The following NCAM1 variants were observed in gnomAD, a reference collection of about 807,000 sequenced individuals.
NCAM1 encodes the protein antigen recognized by monoclonal antibody 5.1H11.
Under a neutral mutation model 109.8 loss-of-function variants are expected in NCAM1, and 14 were observed. That is an observed-to-expected ratio of 0.13 (90% CI 0.08 to 0.20). The LOEUF (loss-of-function observed/expected upper bound fraction) is 0.20, where lower values mean the gene tolerates loss of function less well. Ranked by LOEUF, NCAM1 falls within the 10% of genes least tolerant of loss-of-function variation. The pLI, the probability that NCAM1 is intolerant of heterozygous loss-of-function variation, is 1.00. For synonymous variants in NCAM1, 418 were observed against 442.9 expected (o/e 0.94, Z 0.70); for missense variants, 774 against 1,109.9 (o/e 0.70, Z 4.30).
intron 1 of NCAM1, among the ~76,000 whole-genome samples, chr11:113,094,873 G>A (rs1358125436): frequency 2.6e-5 from 4 of 152,266 alleles, no homozygotes; most frequent in African/African-American, 4.8e-5. Flanking sequence ...GAAAAATGTC[G>A]AAAGGAAAAT....
At chr11:113,071,929 G>A (rs1938286053) in intron 1 of NCAM1, among the ~76,000 whole-genome samples, 2 of 152,140 alleles carry the variant, frequency 1.3e-5, no homozygotes, top group South Asian at 4.1e-4. Flanking sequence ...TGGACGATTT[G>A]AGGTCAGGAG....
chr11:113,182,846 A>G lies in NCAM1; in HGVS notation c.53-19533A>G, dbSNP rs186649438. Among the ~76,000 whole-genome samples the G allele has an allele frequency of 2.1e-3, 316 of 152,324 alleles. 2 individuals carry two copies. The highest frequency in any genetic ancestry group is 7.2e-3 in the African/African-American group (301 of 41,566). ...TACAGCGGCAGCCCTCGCTTTGCCCAGGTGGCTTGGGACCTCTGATGTGCT... is the reference window on the plus strand; with the variant it reads ...TACAGCGGCAGCCCTCGCTTTGCCCGGGTGGCTTGGGACCTCTGATGTGCT... On this transcript the variant is annotated intron_variant, in intron 1 of 19. Transcript: ENST00000316851.
At chr11:113,069,311 G>A (rs1555084812) in intron 1 of NCAM1, among the ~76,000 whole-genome samples, 2 of 152,176 alleles carry the variant, frequency 1.3e-5, no homozygotes, top group Non-Finnish European at 2.9e-5. Flanking sequence ...CTTTCAAGTG[G>A]TCTGGTATAA....
At chr11:113,104,829 C>G (rs1478352832) in intron 1 of NCAM1, among the ~76,000 whole-genome samples, 1 of 152,242 alleles carries the variant, frequency 6.6e-6, no homozygotes, top group South Asian at 2.1e-4. Context: ...TCAGATACTT[C>G]GAAAATGCCT....
At chr11:112,983,399 T>A (rs1951206723) in intron 1 of NCAM1, among the ~76,000 whole-genome samples, 1 of 146,026 alleles carries the variant, frequency 6.8e-6, no homozygotes, top group South Asian at 2.2e-4. Context: ...TGAGAAATCA[T>A]GAAAATGAAC....
chr11:113,138,291 A>G (rs1245153166), intron 1 of NCAM1, among the ~76,000 whole-genome samples: 1 of 152,172 alleles, frequency 6.6e-6, no homozygotes, highest in South Asian at 2.1e-4. Flanking sequence ...AGCAGGTGGG[A>G]AGTTGAATTT....
At chr11:113,135,124 G>A (rs1188029618) in intron 1 of NCAM1, among the ~76,000 whole-genome samples, 1 of 152,170 alleles carries the variant, frequency 6.6e-6, no homozygotes, top group Non-Finnish European at 1.5e-5. Context: ...TGGGAGCTAA[G>A]GAGGTGAGTG....
At chr11:113,002,829 T>G (rs1317499182) in intron 1 of NCAM1, among the ~76,000 whole-genome samples, 7 of 152,240 alleles carry the variant, frequency 4.6e-5, no homozygotes, top group African/African-American at 1.7e-4. Flanking sequence ...TCTTAAAAGT[T>G]TATGCAAATT....
In NCAM1 at chr11:113,235,136, G is replaced by A. The variant is rs374753347; in HGVS notation, c.1797G>A (p.Ala599=). Residue 599 remains alanine, a synonymous_variant, in exon 14 of 20, where the codon GCG becomes GCA. Transcript: ENST00000316851. ...LNGKGLGEIS[A]ASEFKTQPVQ... ...GCAAAGGGCTGGGTGAGATCAGCGC[G>A]GCCTCCGAGTTCAAGACGCAGCCAG... is the stretch of plus-strand genomic sequence containing the variant. 2.1e-5 allele frequency: 34 copies of A among 1,613,348 alleles called. No homozygotes were observed. The East Asian group carries it at 2.7e-4, about 13-fold the overall frequency.
intron 1 of NCAM1, among the ~76,000 whole-genome samples, chr11:113,201,347 G>C (rs1555111766): frequency 6.6e-6 from 1 of 152,156 alleles, no homozygotes; most frequent in African/African-American, 2.4e-5. Context: ...TGGAAGGAAG[G>C]GCTCACTGAA....
chr11:113,024,144 G>A (rs1565389083), intron 1 of NCAM1, among the ~76,000 whole-genome samples: 1 of 152,194 alleles, frequency 6.6e-6, no homozygotes, highest in East Asian at 1.9e-4. Context: ...CATTGCTTGT[G>A]CCTCAGAGAA....
rs782485722 is a variant in NCAM1, at chr11:113,204,492, G to A, written c.334G>A (p.Val112Met). The A allele has an allele frequency of 5.0e-6, 8 of 1,613,818 alleles. No homozygotes were observed. In the African/African-American group the frequency reaches 5.3e-5, roughly 11 times the overall value. The change falls in exon 3 of 20, where the codon GTG becomes ATG. Residue 112 changes from valine to methionine, a missense_variant. Physicochemically the swap from Val to Met is conservative, Grantham distance 21. Coordinates refer to ENST00000316851, the MANE Select transcript of NCAM1 (RefSeq NM_181351.5). ...DGSESEATVN[V>M]KIFQKLMFKN... ...CAGTGAGTCAGAGGCCACCGTCAACGTGAAGATCTTTCGTAAGAGCCTCCT... is the reference window on the plus strand; with the variant it reads ...CAGTGAGTCAGAGGCCACCGTCAACATGAAGATCTTTCGTAAGAGCCTCCT...
intron 1 of NCAM1, among the ~76,000 whole-genome samples, chr11:113,121,483 A>C (rs1358400726): frequency 7.5e-6 from 1 of 133,174 alleles, no homozygotes; most frequent in Non-Finnish European, 1.5e-5. Flanking sequence ...GTCCTCCCAA[A>C]GTGTTAAGAT....
intron 1 of NCAM1, among the ~76,000 whole-genome samples, chr11:113,171,019 G>A (rs1387392231): frequency 1.3e-5 from 2 of 152,150 alleles, no homozygotes; most frequent in African/African-American, 4.8e-5. Flanking sequence ...GGAAGTGCAG[G>A]GTTCAAGAGG....
intron 1 of NCAM1, among the ~76,000 whole-genome samples, chr11:113,131,355 C>T (rs553016760): frequency 1.3e-5 from 2 of 152,268 alleles, no homozygotes; most frequent in South Asian, 4.1e-4. Flanking sequence ...TGTCCCACCC[C>T]AAAAGATAGT....
intron 1 of NCAM1, among the ~76,000 whole-genome samples, chr11:113,095,403 C>T (rs1054559968): frequency 3.3e-5 from 5 of 152,034 alleles, no homozygotes; most frequent in Admixed American, 1.3e-4. Context: ...GCACAGTGGT[C>T]GATAATCAGT....
chr11:113,260,467 C>G (rs782811361), intron 17 of NCAM1, 144 bp downstream of exon 17: 23 of 903,986 alleles, frequency 2.5e-5, no homozygotes, highest in Non-Finnish European at 3.6e-5. Context: ...CTTAGTTTTG[C>G]CTTGTACCTA....
rs535050168 is a variant in NCAM1, at chr11:113,168,891, C to T, written c.53-33488C>T. ...CCAGGCAACCAATTCTATAGAAAAA[C>T]GTTAACTGTGTGATTAAGCATAAGC... On this transcript the variant is annotated intron_variant, in intron 1 of 19. Transcript: ENST00000316851. Among the ~76,000 whole-genome samples, 156 of 152,176 alleles carry T rather than the reference C, an allele frequency of 1.0e-3. 1 individual carries two copies. The highest frequency in any genetic ancestry group is 3.7e-3 in the African/African-American group (153 of 41,504).
chr11:113,231,952 C>A (rs1945022816), intron 10 of NCAM1, among the ~76,000 whole-genome samples, 157 bp downstream of exon 10: 1 of 152,120 alleles, frequency 6.6e-6, no homozygotes, highest in African/African-American at 2.4e-5. Flanking sequence ...GTTCCCAAGC[C>A]ACCCCCTACA....
Sources: allele counts gnomAD v4.1 joint callset (sites outside exome capture counted in the v4.1 genomes callset), GRCh38; gene constraint gnomAD v4.1.1; transcripts MANE v1.5; gene names NCBI Gene and HGNC (gene_info 2026-07-23, HGNC 2026-07-21).